The following ZNF423 variants were observed in gnomAD, a reference collection of about 807,000 sequenced individuals.
ZNF423 encodes the protein zinc finger protein 423.
ZNF423 carries 12 observed loss-of-function variants against 95.8 expected under a neutral mutation model. That is an observed-to-expected ratio of 0.13 (90% confidence interval 0.08 to 0.20). The LOEUF is 0.20. ZNF423 is among the 10% of genes least tolerant of loss of function. The pLI is 1.00. For synonymous variants in ZNF423, 749 were observed against 711.9 expected, an observed-to-expected ratio of 1.05 and a Z score of -0.83; for missense variants, 1,316 against 1,737.1, an observed-to-expected ratio of 0.76 and a Z score of 4.31.
At chr16:49,586,552 C>T (rs1041311365) in intron 5 of ZNF423, among the ~76,000 whole-genome samples, 9 of 152,212 alleles carry the variant, frequency 5.9e-5, no homozygotes, top group Admixed American at 3.9e-4. Context: ...CGCATCTGCA[C>T]GAGGGAAATT....
chr16:49,687,083 C>G (rs2031593156), intron 3 of ZNF423, among the ~76,000 whole-genome samples: 1 of 151,986 alleles, frequency 6.6e-6, no homozygotes, highest in African/African-American at 2.4e-5. Flanking sequence ...CAGAGCACCC[C>G]TATTTCATCT....
chr16:49,661,024 C>G (rs1215988032), intron 3 of ZNF423, among the ~76,000 whole-genome samples: 3 of 152,048 alleles, frequency 2.0e-5, no homozygotes, highest in African/African-American at 2.4e-5. Flanking sequence ...CGTTCAAGAC[C>G]AGCCTGGCCA....
At chr16:49,706,995 A>G (rs1310587335) in intron 3 of ZNF423, among the ~76,000 whole-genome samples, 1 of 152,146 alleles carries the variant, frequency 6.6e-6, no homozygotes, top group Admixed American at 6.5e-5. Context: ...TGTTAAACAC[A>G]CACACCGGAT....
At chr16:49,712,437 GAAAC>G (rs1246119545) in intron 3 of ZNF423, among the ~76,000 whole-genome samples, 1 of 152,234 alleles carries the variant, frequency 6.6e-6, no homozygotes, top group East Asian at 1.9e-4. Flanking sequence ...TTGATTTCGG[GAAAC>G]AAACAATTCA....
chr16:49,516,591 T>C (rs965701822), intron 7 of ZNF423, among the ~76,000 whole-genome samples: 5 of 152,202 alleles, frequency 3.3e-5, no homozygotes, highest in Non-Finnish European at 7.4e-5. Context: ...CGCTCCCTGC[T>C]TCACTCTTGG....
intron 5 of ZNF423, among the ~76,000 whole-genome samples, chr16:49,554,540 C>T (rs796173943): frequency 6.6e-6 from 1 of 152,054 alleles, no homozygotes; most frequent in African/African-American, 2.4e-5. Flanking sequence ...AGGGTGTCTC[C>T]AGGACCAGTT....
At chr16:49,595,976 C>T (rs528833920) in intron 5 of ZNF423, among the ~76,000 whole-genome samples, 1 of 151,916 alleles carries the variant, frequency 6.6e-6, no homozygotes, top group African/African-American at 2.4e-5. Flanking sequence ...CTCCTTGTTG[C>T]TATTATTAAA....
intron 1 of ZNF423, among the ~76,000 whole-genome samples, chr16:49,794,820 T>C (rs1382460217): frequency 6.6e-6 from 1 of 152,244 alleles, no homozygotes; most frequent in Non-Finnish European, 1.5e-5. Flanking sequence ...GTCTTGTTCA[T>C]TGTTGTATCC....
rs1567321248 is a variant in ZNF423, at chr16:49,739,695, G to GTTTTTT, written c.101-8725_101-8724insAAAAAA. Among the ~76,000 whole-genome samples the GTTTTTT allele has an allele frequency of 3.8e-5, 5 of 132,732 alleles. 2 individuals are homozygous for GTTTTTT. 87.1% of individuals were successfully genotyped at this position (132,732 alleles called of 152,430 possible). On this transcript the variant is annotated intron_variant, in intron 2 of 7. Transcript: ENST00000563137. ...CACGTTTGTTTTTTTGTTTTTGTTT[G>GTTTTTT]GTTTTTTTTTTTTTTTTTTTGGAGA...
At chr16:49,723,960 T>C (rs1396133028) in intron 3 of ZNF423, among the ~76,000 whole-genome samples, 6 of 152,210 alleles carry the variant, frequency 3.9e-5, no homozygotes, top group Non-Finnish European at 8.8e-5. Flanking sequence ...CCACTCCCTG[T>C]TCCTTTTCCA....
intron 3 of ZNF423, among the ~76,000 whole-genome samples, chr16:49,640,293 C>T (rs1972927180): frequency 6.6e-6 from 1 of 152,116 alleles, no homozygotes; most frequent in South Asian, 2.1e-4. Context: ...ACACGCCTAC[C>T]TACATACACA....
At chr16:49,678,056 G>A (rs888712674) in intron 3 of ZNF423, among the ~76,000 whole-genome samples, 5 of 152,076 alleles carry the variant, frequency 3.3e-5, no homozygotes, top group Non-Finnish European at 5.9e-5. Context: ...GGTGATGGGC[G>A]CCTGTAATCC....
intron 1 of ZNF423, chr16:49,847,525 C>T (rs1597061253): frequency 6.6e-6 from 1 of 152,338 alleles, no homozygotes; most frequent in East Asian, 1.9e-4. Context: ...CTGCCCTTTC[C>T]CCCAGCCCTG....
chr16:49,854,718 G>A (rs1217606254), intron 1 of ZNF423: 9 of 985,336 alleles, frequency 9.1e-6, no homozygotes, highest in Non-Finnish European at 1.1e-5. Context: ...CCAGGGGAGG[G>A]GCTCTGCTGC....
At chr16:49,716,617 C>T (rs2032714732) in intron 3 of ZNF423, among the ~76,000 whole-genome samples, 1 of 152,228 alleles carries the variant, frequency 6.6e-6, no homozygotes, top group Admixed American at 6.5e-5. Flanking sequence ...TGCCAAAACA[C>T]TCAACCAATA....
chr16:49,709,650 T>G (rs1410380639), intron 3 of ZNF423, among the ~76,000 whole-genome samples: 1 of 152,190 alleles, frequency 6.6e-6, no homozygotes, highest in Non-Finnish European at 1.5e-5. Context: ...GATGATGGTA[T>G]TAAGAAGTGG....
At chr16:49,747,014 A>G (rs150826745) in intron 2 of ZNF423, among the ~76,000 whole-genome samples, 6 of 152,302 alleles carry the variant, frequency 3.9e-5, no homozygotes, top group Middle Eastern at 3.4e-3. Flanking sequence ...AAGGTACTTA[A>G]AGTGGGGAGA....
At chr16:49,857,306 T>TGGCGGCGGC (rs59062897), upstream of ZNF423, among the ~76,000 whole-genome samples, 82 of 144,468 alleles carry the variant, frequency 5.7e-4, no homozygotes, top group East Asian at 2.3e-3. This position sits in a 1 kb window ranked among gnomAD's most constrained non-coding sequence, Gnocchi z 6.2. Context: ...CGGACCGTGG[T>TGGCGGCGGC]GGCGGCGGCG....
intron 1 of ZNF423, among the ~76,000 whole-genome samples, chr16:49,851,720 C>T (rs1567372051): frequency 6.6e-6 from 1 of 152,146 alleles, no homozygotes; most frequent in Admixed American, 6.5e-5. Flanking sequence ...CATGGTTAAC[C>T]GTTTAGCAGG....
Sources: allele counts gnomAD v4.1 joint callset (sites outside exome capture counted in the v4.1 genomes callset), GRCh38; gene constraint gnomAD v4.1.1; non-coding constraint Gnocchi (gnomAD v3.1); transcripts MANE v1.5; gene names NCBI Gene and HGNC (gene_info 2026-07-23, HGNC 2026-07-21).